SEC31A: variants seen among roughly 807,000 people sequenced by gnomAD.
The protein encoded by SEC31A is protein transport protein Sec31A.
SEC31A carries 70 observed loss-of-function variants against 151.0 expected under a neutral mutation model. The ratio of observed to expected loss-of-function variants is 0.46; its 90% CI spans 0.38 to 0.57. The LOEUF is 0.57. Ranked by LOEUF, SEC31A falls within the 20% of genes least tolerant of loss-of-function variation. The probability of loss-of-function intolerance (pLI) is 0.00; values close to 1 mark genes in which losing one functional copy is unlikely to be tolerated. For synonymous variants in SEC31A, 475 were observed against 505.9 expected (o/e 0.94, Z 0.82); for missense variants, 1,330 against 1,471.2 (o/e 0.90, Z 1.57).
chr4:82,873,981 A>G (rs956104951), intron 6 of SEC31A, among the ~76,000 whole-genome samples: 14 of 152,154 alleles, frequency 9.2e-5, no homozygotes, highest in Non-Finnish European at 2.9e-5. Flanking sequence ...TTTACATTCT[A>G]AGAAAAGTTA....
intron 2 of SEC31A, among the ~76,000 whole-genome samples, chr4:82,881,150 T>A (rs751703869): frequency 2.6e-5 from 4 of 152,168 alleles, no homozygotes; most frequent in Non-Finnish European, 5.9e-5. Context: ...CTGTATATAT[T>A]TAAAAATCTC....
At chr4:82,855,936 C>G (rs890859000) in intron 16 of SEC31A, among the ~76,000 whole-genome samples, 1 of 152,138 alleles carries the variant, frequency 6.6e-6, no homozygotes, top group Non-Finnish European at 1.5e-5. Context: ...ACATGTACCT[C>G]TGAACTTAAA....
chr4:82,898,995 T>C (rs981445454), intron 3 of SEC31A, among the ~76,000 whole-genome samples: 3 of 152,034 alleles, frequency 2.0e-5, no homozygotes, highest in Non-Finnish European at 4.4e-5. Context: ...ATAAACAAAA[T>C]CTGCTACATC....
At chr4:82,865,400 A>G (rs1449096205) in intron 10 of SEC31A, among the ~76,000 whole-genome samples, 1 of 152,072 alleles carries the variant, frequency 6.6e-6, no homozygotes, top group African/African-American at 2.4e-5. Context: ...ACTTCTGGGT[A>G]TATGTCCCAA....
At position 82,889,453 on chromosome 4, in the gene SEC31A, G is replaced by T. The variant is rs543617834; in HGVS notation, c.-5+1635C>A. Among the ~76,000 whole-genome samples the T allele has an allele frequency of 2.0e-5, 3 of 151,556 alleles. No individual in the cohort carries two copies. The South Asian group carries it at 6.2e-4, about 32-fold the overall frequency. ...TCCTAGCTACTTCTGAGGCTGAGGC[G>T]GGAGGATCTCTTGAGCCCAAAAGTT... On this transcript the variant is annotated intron_variant, in intron 1 of 26. Coordinates refer to ENST00000395310, the MANE Select transcript of SEC31A (RefSeq NM_001077207.4).
At chr4:82,829,129 C>T (rs1578128765) in intron 22 of SEC31A, 71 bp from the exon 23 acceptor site, 1 of 1,253,612 alleles carries the variant, frequency 8.0e-7, no homozygotes, top group Non-Finnish European at 1.2e-6. Context: ...GAATCGATCA[C>T]CTAATACTTC....
intron 1 of SEC31A, among the ~76,000 whole-genome samples, chr4:82,885,453 A>G (rs1345200001): frequency 1.3e-5 from 2 of 152,162 alleles, no homozygotes; most frequent in African/African-American, 2.4e-5. Context: ...AATTTTAAAT[A>G]TTTTACTTAA....
Position 82,875,980 on chromosome 4 carries a change from T to C in SEC31A, c.403-158A>G, listed in dbSNP as rs767860416. 4 of 425,496 alleles carry C rather than the reference T, an allele frequency of 9.4e-6. No individual in the cohort carries two copies. In the East Asian group the frequency reaches 1.5e-4, roughly 16 times the overall value. 26.4% of individuals were successfully genotyped at this position (425,496 alleles called of 1,614,324 possible). A position where few individuals can be genotyped will look rare whatever the true frequency, so the allele number is the denominator to read the frequency against. On this transcript the variant is annotated intron_variant, in intron 4 of 26. Coordinates refer to ENST00000395310, the MANE Select transcript of SEC31A (RefSeq NM_001077207.4). ...TATGCATGAATTTCTAAATTATGCA[T>C]AATTCTTTCAAAATTTAAAGTTTTC...
rs1298429914 is a variant in SEC31A, at chr4:82,848,971, T to C, written c.2335A>G (p.Ile779Val). 7 of 1,612,538 alleles carry C rather than the reference T, an allele frequency of 4.3e-6. No homozygotes were observed. Among genetic ancestry groups the C allele is most frequent in the Non-Finnish European group, 5.9e-6 (7 of 1,179,506 alleles). ...CAAAGTCTGTCACGAAGCTGCATGA[T>C]ATTTGGCTAAAAAGGATTGGAAAAA... ...FLPDNTNQPNIMQLRDRLCRA... is the reference protein window; with the variant it reads ...FLPDNTNQPNVMQLRDRLCRA... Residue 779 changes from isoleucine to valine, a missense_variant, in exon 20 of 27, where the codon ATC becomes GTC. Physicochemically the swap from Ile to Val is conservative, Grantham distance 29. Transcript: ENST00000395310.
intron 1 of SEC31A, among the ~76,000 whole-genome samples, chr4:82,883,808 G>A (rs1393983152): frequency 6.6e-6 from 1 of 150,494 alleles, no homozygotes; most frequent in South Asian, 2.1e-4. Context: ...CAGCCTGGGC[G>A]ACAGAGTGAG....
In SEC31A at chr4:82,848,966, C is replaced by T; in HGVS notation, c.2340G>A (p.Met780Ile). 1 of 1,612,956 alleles carries T rather than the reference C, an allele frequency of 6.2e-7. No individual in the cohort carries two copies. Among genetic ancestry groups the T allele is most frequent in the Non-Finnish European group, 8.5e-7 (1 of 1,179,550 alleles). ...LPDNTNQPNIMQLRDRLCRAQ... is the reference protein window; with the variant it reads ...LPDNTNQPNIIQLRDRLCRAQ... ...CTCTACAAAGTCTGTCACGAAGCTG[C>T]ATGATATTTGGCTAAAAAGGATTGG... Residue 780 changes from methionine (M) to isoleucine (I), a missense_variant, in exon 20 of 27, where the codon ATG becomes ATA. Met to Ile is a conservative substitution (Grantham distance 10). Coordinates refer to ENST00000395310, the MANE Select transcript of SEC31A (RefSeq NM_001077207.4).
chr4:82,869,245 T>C (rs1432537122), intron 8 of SEC31A, among the ~76,000 whole-genome samples: 1 of 151,472 alleles, frequency 6.6e-6, no homozygotes, highest in African/African-American at 2.4e-5. Flanking sequence ...TCAGCCTCCC[T>C]AGTAGCTGGG....
Position 82,862,514 on chromosome 4 carries a change from A to G in SEC31A, c.1548+20T>C. On this transcript the variant is annotated intron_variant, in intron 13 of 26. Coordinates refer to ENST00000395310, the MANE Select transcript of SEC31A (RefSeq NM_001077207.4). ...CTAGCCAAAGTTTTAGAAGGTAGCTATTTTTAAAGGCCTTCTTACCACATT... is the reference window on the plus strand; with the variant it reads ...CTAGCCAAAGTTTTAGAAGGTAGCTGTTTTTAAAGGCCTTCTTACCACATT... 3 of 1,608,170 alleles carry G rather than the reference A, an allele frequency of 1.9e-6. No individual in the cohort carries two copies. Among genetic ancestry groups the G allele is most frequent in the Non-Finnish European group, 2.6e-6 (3 of 1,175,108 alleles).
At chr4:82,858,530 G>A (rs1283731637) in intron 14 of SEC31A, among the ~76,000 whole-genome samples, 38 of 96,936 alleles carry the variant, frequency 3.9e-4, no homozygotes, top group Admixed American at 6.0e-4. Context: ...GCGACAGAGC[G>A]AGACTCTGTC....
At chr4:82,877,111 C>A (rs1738143791) in intron 4 of SEC31A, among the ~76,000 whole-genome samples, 2 of 152,200 alleles carry the variant, frequency 1.3e-5, no homozygotes, top group African/African-American at 4.8e-5. Flanking sequence ...TGCCTGTAGT[C>A]CCAGCTACTC....
chr4:82,823,343 T>C (rs1266678797), intron 25 of SEC31A, among the ~76,000 whole-genome samples: 1 of 152,226 alleles, frequency 6.6e-6, no homozygotes, highest in African/African-American at 2.4e-5. Flanking sequence ...GCATAAGGGC[T>C]AGCATGTATC....
At chr4:82,865,839 A>G (rs1735248695) in intron 10 of SEC31A, among the ~76,000 whole-genome samples, 1 of 152,108 alleles carries the variant, frequency 6.6e-6, no homozygotes, top group Non-Finnish European at 1.5e-5. Flanking sequence ...GCAAGATGAG[A>G]AAGTTCTAGA....
chr4:82,876,122 T>G (rs1264149037), intron 4 of SEC31A, among the ~76,000 whole-genome samples: 2 of 150,750 alleles, frequency 1.3e-5, no homozygotes, highest in East Asian at 3.9e-4. Flanking sequence ...TTTTTTTTTT[T>G]TTTTTGAGAT....
At chr4:82,843,547 C>T (rs1351652429) in intron 21 of SEC31A, 1 of 152,184 alleles carries the variant, frequency 6.6e-6, no homozygotes, top group African/African-American at 2.4e-5. Context: ...TTCCTATCTA[C>T]TCTGAAGACA....
Sources: gnomAD v4.1 joint callset for allele counts (sites outside exome capture counted in the v4.1 genomes callset) on GRCh38, gnomAD v4.1.1 for gene constraint, MANE v1.5 for transcripts, NCBI Gene and HGNC (gene_info 2026-07-23, HGNC 2026-07-21) for gene names.